Variants in GPR176 observed in about 807,000 individuals in gnomAD.
The protein encoded by GPR176 is G-protein coupled receptor 176.
GPR176 carries 26 observed loss-of-function variants against 35.4 expected under a neutral mutation model. The ratio of observed to expected loss-of-function variants is 0.74; its 90% confidence interval spans 0.54 to 1.02. The LOEUF is 1.02. Among genes scored for constraint, GPR176 ranks in the 50% least tolerant of loss-of-function variants. The pLI, the probability that GPR176 is intolerant of heterozygous loss-of-function variation, is 0.00. For synonymous variants in GPR176, 278 were observed against 271.3 expected, an observed-to-expected ratio of 1.02 and a Z score of -0.24; for missense variants, 597 against 665.3, an observed-to-expected ratio of 0.90 and a Z score of 1.13.
intron 1 of GPR176, among the ~76,000 whole-genome samples, chr15:39,918,484 A>G (rs1471899139): frequency 6.6e-6 from 1 of 152,218 alleles, no homozygotes; most frequent in African/African-American, 2.4e-5. Context: ...GAAAACCTGC[A>G]GAAATAAAAA....
chr15:39,891,494 C>T (rs2032870814), intron 1 of GPR176, among the ~76,000 whole-genome samples: 2 of 152,276 alleles, frequency 1.3e-5, no homozygotes, highest in South Asian at 4.1e-4. Context: ...GCTGAGACTA[C>T]AGGTACACAC....
At chr15:39,893,907 G>C (rs1245168683) in intron 1 of GPR176, among the ~76,000 whole-genome samples, 1 of 142,838 alleles carries the variant, frequency 7.0e-6, no homozygotes, top group Admixed American at 6.8e-5. Context: ...CGGGTTGGGG[G>C]CTGACCCCCC....
At chr15:39,887,731 C>A (rs544487622) in intron 1 of GPR176, among the ~76,000 whole-genome samples, 1 of 152,000 alleles carries the variant, frequency 6.6e-6, no homozygotes, top group Non-Finnish European at 1.5e-5. Flanking sequence ...GTAAGCCTGG[C>A]ACAATGATTT....
intron 1 of GPR176, among the ~76,000 whole-genome samples, chr15:39,894,771 G>C (rs866461881): frequency 2.0e-5 from 3 of 150,542 alleles, no homozygotes; most frequent in African/African-American, 7.3e-5. Flanking sequence ...TCACATCCCA[G>C]ATGATGGGCG....
At chr15:39,875,667 T>C (rs1038819304) in intron 1 of GPR176, among the ~76,000 whole-genome samples, 18 of 152,206 alleles carry the variant, frequency 1.2e-4, no homozygotes, top group Admixed American at 2.6e-4. Context: ...AATTTCTTCA[T>C]GTAGGAAATG....
intron 1 of GPR176, among the ~76,000 whole-genome samples, chr15:39,869,615 T>C (rs1165952410): frequency 6.6e-6 from 1 of 152,174 alleles, no homozygotes; most frequent in Non-Finnish European, 1.5e-5. Flanking sequence ...TCCTCACATT[T>C]TGTTCCCTTT....
chr15:39,867,198 C>A (rs188737262), intron 1 of GPR176, among the ~76,000 whole-genome samples: 8 of 152,150 alleles, frequency 5.3e-5, no homozygotes, highest in Admixed American at 5.2e-4. Context: ...GGTGTTCATG[C>A]CGGCTGATAC....
intron 1 of GPR176, among the ~76,000 whole-genome samples, chr15:39,916,675 C>T (rs773081508): frequency 3.6e-4 from 55 of 152,076 alleles, no homozygotes; most frequent in Non-Finnish European, 5.7e-4. Flanking sequence ...TAAAGAAAAA[C>T]GAATTTGTCT....
At chr15:39,844,881 G>C (rs1460528018) in intron 1 of GPR176, among the ~76,000 whole-genome samples, 9 of 152,034 alleles carry the variant, frequency 5.9e-5, no homozygotes, top group Non-Finnish European at 1.0e-4. Flanking sequence ...GTTTGTCCAG[G>C]ACTGGGAAAG....
At chr15:39,892,585 G>A (rs985561519) in intron 1 of GPR176, among the ~76,000 whole-genome samples, 7 of 152,194 alleles carry the variant, frequency 4.6e-5, no homozygotes, top group Non-Finnish European at 8.8e-5. Flanking sequence ...AGATGAGGTC[G>A]CATTGCATTA....
intron 1 of GPR176, among the ~76,000 whole-genome samples, chr15:39,862,589 G>T (rs2031647256): frequency 6.6e-6 from 1 of 152,118 alleles, no homozygotes; most frequent in Non-Finnish European, 1.5e-5. Flanking sequence ...GTCCCATAAG[G>T]TTATAATAGA....
intron 1 of GPR176, chr15:39,909,871 C>G: frequency 1.0e-6 from 1 of 970,092 alleles, no homozygotes; most frequent in African/African-American, 1.8e-5. Flanking sequence ...CTTTTAATTA[C>G]CTGTTGTATA....
intron 1 of GPR176, among the ~76,000 whole-genome samples, chr15:39,842,317 C>G (rs2030060963): frequency 6.6e-6 from 1 of 152,066 alleles, no homozygotes; most frequent in Admixed American, 6.6e-5. Context: ...GCTGCACACT[C>G]TTTCAGACAA....
In GPR176 at chr15:39,919,955, C is replaced by T; in HGVS notation, c.72G>A (p.Ala24=). Residue 24 remains alanine (A), a synonymous_variant, in exon 1 of 3, where the codon GCG becomes GCA. Transcript: ENST00000561100. The part of the protein sequence containing the change: ...EPHNASGAEA[A]GVNRSALGEF... ...CCCCGAGCGCGCTGCGGTTCACACC[C>T]GCAGCCTCGGCGCCGGACGCGTTGT... 1 of 1,497,128 alleles carries T rather than the reference C, an allele frequency of 6.7e-7. No homozygotes were observed. The highest frequency in any genetic ancestry group is 8.9e-7 in the Non-Finnish European group (1 of 1,124,446). 92.7% of individuals were successfully genotyped at this position (1,497,128 alleles called of 1,614,324 possible).
At chr15:39,877,653 C>T (rs543899476) in intron 1 of GPR176, among the ~76,000 whole-genome samples, 11 of 151,788 alleles carry the variant, frequency 7.2e-5, no homozygotes, top group Admixed American at 5.3e-4. Flanking sequence ...CTGCACCTCC[C>T]GGGTGCAGGC....
chr15:39,839,330 T>A (rs185972731), intron 1 of GPR176, among the ~76,000 whole-genome samples: 2 of 152,274 alleles, frequency 1.3e-5, no homozygotes, highest in African/African-American at 4.8e-5. Context: ...ACCACACATC[T>A]ACAACCATCT....
chr15:39,834,313 T>C (rs1901266510), intron 1 of GPR176, among the ~76,000 whole-genome samples: 1 of 152,222 alleles, frequency 6.6e-6, no homozygotes, highest in African/African-American at 2.4e-5. Flanking sequence ...CATGAAGATT[T>C]ATTATGAGAA....
At position 39,807,330 on chromosome 15, in the gene GPR176, GGTTAAAAA is replaced by G. The variant is rs1899260775; in HGVS notation, c.173-80_173-73del. On this transcript the variant is annotated intron_variant, in intron 1 of 2. Transcript: ENST00000561100. ...GAACTAAAAAAAGGAAAAAAGTACA[GGTTAAAAA>G]ATGTAAAAAACACATTTGAGAGTTG... 5 of 1,053,202 alleles carry G rather than the reference GGTTAAAAA, an allele frequency of 4.7e-6. No individual in the cohort carries two copies. In the South Asian group the frequency reaches 1.2e-4, roughly 26 times the overall value. The allele number at this position is 1,053,202 out of a possible 1,614,324, so 65.2% of individuals were successfully genotyped here.
At chr15:39,804,908 A>T (rs1390962772) in intron 2 of GPR176, among the ~76,000 whole-genome samples, 2 of 152,216 alleles carry the variant, frequency 1.3e-5, no homozygotes, top group Non-Finnish European at 2.9e-5. Flanking sequence ...AAAAGAGAGT[A>T]GATTCATAGT....
Sources: allele counts gnomAD v4.1 joint callset (sites outside exome capture counted in the v4.1 genomes callset), GRCh38; gene constraint gnomAD v4.1.1; transcripts MANE v1.5; gene names NCBI Gene and HGNC (gene_info 2026-07-23, HGNC 2026-07-21).